Variants in POLRMT observed in about 807,000 individuals in gnomAD.
The protein encoded by POLRMT is DNA-directed RNA polymerase, mitochondrial.
POLRMT carries 114 observed loss-of-function variants against 132.2 expected under a neutral mutation model. The observed-to-expected ratio is 0.86, with a 90% CI of 0.74 to 1.01. The LOEUF is 1.01. POLRMT is among the 50% of genes least tolerant of loss of function. The pLI is 0.00. For missense variants in POLRMT, 2,003 were observed against 1,729.1 expected (o/e 1.16, Z -2.81); for synonymous variants, 1,020 against 773.4 (o/e 1.32, Z -5.29).
At chr19:620,784 G>C (rs1377009598) in intron 10 of POLRMT, among the ~76,000 whole-genome samples, 1 of 131,768 alleles carries the variant, frequency 7.6e-6, no homozygotes, top group Non-Finnish European at 1.6e-5. Flanking sequence ...CGGATGCAGG[G>C]GAGGGGGGAA....
chr19:622,233 C>T lies in POLRMT; in HGVS notation c.1767G>A (p.Met589Ile), dbSNP rs1410266575. Residue 589 changes from methionine to isoleucine, a missense_variant, in exon 9 of 21, where the codon ATG becomes ATA. By Grantham distance (10) the Met-to-Ile change is conservative. Transcript: ENST00000588649. ...GATGCGGCTTGTCCAGGCTGCATGG[C>T]ATCTGCGTAGCCTGCACCAGCATCT... is the stretch of plus-strand genomic sequence containing the variant. ...LAEMLVQATQ[M>I]PCSLDKPHRS... 1.3e-6 allele frequency: 2 copies of T among 1,561,232 alleles called. No homozygotes were observed. The highest frequency in any genetic ancestry group is 1.4e-5 in the African/African-American group (1 of 73,364).
intron 2 of POLRMT, among the ~76,000 whole-genome samples, chr19:631,690 A>G (rs1394719935): frequency 1.3e-5 from 2 of 152,134 alleles, no homozygotes; most frequent in Admixed American, 1.3e-4. Flanking sequence ...CCGCCTTCAG[A>G]GTGCTCCAAA....
Position 622,961 on chromosome 19 carries a change from C to T in POLRMT, c.1315G>A (p.Asp439Asn), listed in dbSNP as rs535297732. The T allele has an allele frequency of 6.2e-7, 1 of 1,612,878 alleles. No homozygotes were observed. Among genetic ancestry groups the T allele is most frequent in the South Asian group, 1.1e-5 (1 of 91,052 alleles). ...CGGCACAGTGCTTTCTCCCATTGGT[C>T]CCGCAGGGTCTTCAGGGTCTTCCGC... The part of the protein sequence containing the change: ...HARKTLKTLR[D>N]QWEKALCRAL... The change falls in exon 7 of 21, where the codon GAC (aspartate) becomes AAC (asparagine). Residue 439 changes from aspartate (D) to asparagine (N), a missense_variant. Coordinates refer to ENST00000588649, the MANE Select transcript of POLRMT (RefSeq NM_005035.4).
rs769548896 is a variant in POLRMT, at chr19:633,442, C to T, written c.71G>A (p.Gly24Glu). 41 of 1,555,864 alleles carry T rather than the reference C, an allele frequency of 2.6e-5. No individual in the cohort carries two copies. The highest frequency in any genetic ancestry group is 4.3e-5 in the African/African-American group (3 of 70,422). The change falls in exon 1 of 21, where the codon GGA becomes GAA. Residue 24 changes from glycine to glutamate, a missense_variant. By Grantham distance (98) the Gly-to-Glu change is moderately conservative. Coordinates refer to ENST00000588649, the MANE Select transcript of POLRMT (RefSeq NM_005035.4). ...TGTGTTACCTTCTTTGCCGGGGAGT[C>T]CCGGGCGGCCGCAAGGCCGTAGGGC... ...KRALRPCGRP[G>E]LPGKEGTAGG...
In POLRMT at chr19:619,699, T is replaced by C; in HGVS notation, c.2953A>G (p.Ile985Val). ...GTCTGCTTCACCACCTTGCGGGTGA[T>C]GAAACCTTCCAGCACCTGTGCCACC... ...MRVAQVLEGF[I>V]TRKVVKQTVM... Residue 985 changes from isoleucine (I) to valine (V), a missense_variant, in exon 13 of 21, where the codon ATC becomes GTC. Transcript: ENST00000588649. 1 of 1,608,704 alleles carries C rather than the reference T, an allele frequency of 6.2e-7. No individual in the cohort carries two copies. The highest frequency in any genetic ancestry group is 8.5e-7 in the Non-Finnish European group (1 of 1,178,304).
chr19:623,376 C>A, intron 6 of POLRMT, 78 bp downstream of exon 6: 3 of 1,562,512 alleles, frequency 1.9e-6, no homozygotes, highest in Non-Finnish European at 2.6e-6. Context: ...ACACGGGACC[C>A]CGGCTCAGCC....
rs1984713612 is a variant in POLRMT, at chr19:622,691, G to C, written c.1517C>G (p.Ala506Gly). 1 of 1,604,542 alleles carries C rather than the reference G, an allele frequency of 6.2e-7. No individual in the cohort carries two copies. Among genetic ancestry groups the C allele is most frequent in the Non-Finnish European group, 8.5e-7 (1 of 1,176,876 alleles). Residue 506 changes from alanine (A) to glycine (G), a missense_variant, in exon 8 of 21, where the codon GCG (alanine) becomes GGG (glycine). Ala to Gly is a moderately conservative substitution (Grantham distance 60). Coordinates refer to ENST00000588649, the MANE Select transcript of POLRMT (RefSeq NM_005035.4). ...SFTTLARELS[A>G]RTFSRHVVQR... is the part of the protein sequence containing the mutation. Reference sequence around the variant, plus strand: ...CACCACGTGCCGGCTGAAAGTGCGCGCACTCAGCTCCCGGGCCAGGGTGGT... The same window carrying C: ...CACCACGTGCCGGCTGAAAGTGCGCCCACTCAGCTCCCGGGCCAGGGTGGT...
At position 617,703 on chromosome 19, in the gene POLRMT, G is replaced by A. The variant is rs545557652; in HGVS notation, c.3496-48C>T. 8 of 1,610,786 alleles carry A rather than the reference G, an allele frequency of 5.0e-6. No individual in the cohort carries two copies. In the East Asian group the frequency reaches 8.9e-5, roughly 18 times the overall value. ...CCAGGGGTGATCAGGCAGGCTCTGG[G>A]CACCACCCCTACCCAACGCCCCAGT... On this transcript the variant is annotated intron_variant, in intron 18 of 20. Transcript: ENST00000588649.
chr19:619,042 C>CT lies in POLRMT; in HGVS notation c.3221_3222insA (p.Val1076ArgfsTer39), dbSNP rs1984270637. 1 of 1,604,810 alleles carries CT rather than the reference C, an allele frequency of 6.2e-7. No individual in the cohort carries two copies. The highest frequency in any genetic ancestry group is 8.5e-7 in the Non-Finnish European group (1 of 1,176,022). ...GATAGGGCTGGATGACGGGGACGCCCAGGGGTGTGACCCACTCCACCACAG... is the reference window on the plus strand; with the variant it reads ...GATAGGGCTGGATGACGGGGACGCCCTAGGGGTGTGACCCACTCCACCACAG... On this transcript the variant is annotated frameshift_variant, in exon 15 of 21. Coordinates refer to ENST00000588649, the MANE Select transcript of POLRMT (RefSeq NM_005035.4). LOFTEE classifies it high-confidence loss of function.
chr19:619,943 C>T lies in POLRMT; in HGVS notation c.2886+15G>A. On this transcript the variant is annotated intron_variant, in intron 12 of 20. Transcript: ENST00000588649. ...CCCACGCCGAGATGCCCCCGGGCAG[C>T]AGGGCACACCCTACCTGCGCGGCCA... 1 of 1,600,970 alleles carries T rather than the reference C, an allele frequency of 6.2e-7. No homozygotes were observed. Among genetic ancestry groups the T allele is most frequent in the South Asian group, 1.1e-5 (1 of 90,588 alleles).
rs758796659 is a variant in POLRMT at position 633,482 on chromosome 19, C to T, written c.31G>A (p.Ala11Thr). The T allele has an allele frequency of 6.4e-7, 1 of 1,560,080 alleles. No individual in the cohort carries two copies. Among genetic ancestry groups the T allele is most frequent in the Admixed American group, 1.7e-5 (1 of 57,252 alleles). ...GGCCGTAGGGCTCGTTTGAGCCCCG[C>T]CGCTCCGCGGCCCCAGCAAAGTGCC... MSALCWGRGAAGLKRALRPCG... is the reference protein window; with the variant it reads MSALCWGRGATGLKRALRPCG... The change falls in exon 1 of 21, where the codon GCG becomes ACG. Residue 11 changes from alanine (A) to threonine (T), a missense_variant. Coordinates refer to ENST00000588649, the MANE Select transcript of POLRMT (RefSeq NM_005035.4).
At chr19:633,101 G>C (rs1985548331) in intron 1 of POLRMT, 163 bp from the exon 2 acceptor site, 7 of 633,656 alleles carry the variant, frequency 1.1e-5, no homozygotes, top group Non-Finnish European at 1.8e-5. Flanking sequence ...GAAGGTGGAA[G>C]GGCCCCGCCG....
In POLRMT at chr19:622,185, C is replaced by A. The variant is rs375181877; in HGVS notation, c.1815G>T (p.Val605=). ...TGCGGAAGGAATACACGTGGTAGAG[C>A]ACGGGGACAAGCCGAGAGGAACGAT... ...KPHRSSRLVP[V]LYHVYSFRNV... The change falls in exon 9 of 21, where the codon GTG becomes GTT. Residue 605 remains valine (V), a synonymous_variant. Transcript: ENST00000588649. 3.5e-5 allele frequency: 55 copies of A among 1,572,578 alleles called. No homozygotes were observed. The highest frequency in any genetic ancestry group is 1.5e-4 in the Admixed American group (8 of 54,994).
rs189313511 is a variant in POLRMT, at chr19:620,036, G to A, written c.2808C>T (p.Arg936=). 23 of 1,558,836 alleles carry A rather than the reference G, an allele frequency of 1.5e-5. No homozygotes were observed. In the East Asian group the frequency reaches 4.0e-4, roughly 27 times the overall value. ...TGACGGAGGCGGCGCCCACGCTGTCGCGGCCCAGAGCAGCATAATGCTGCA... is the reference window on the plus strand; with the variant it reads ...TGACGGAGGCGGCGCCCACGCTGTCACGGCCCAGAGCAGCATAATGCTGCA... The part of the protein sequence containing the change: ...NGLQHYAALG[R]DSVGAASVNL... The change falls in exon 12 of 21, where the codon CGC becomes CGT. Residue 936 remains arginine, a synonymous_variant. Transcript: ENST00000588649.
chr19:618,687 C>T lies in POLRMT; in HGVS notation c.3323+18G>A, dbSNP rs776215999. 88 of 1,598,950 alleles carry T rather than the reference C, an allele frequency of 5.5e-5. No homozygotes were observed. The highest frequency in any genetic ancestry group is 7.2e-5 in the Non-Finnish European group (84 of 1,170,194). On this transcript the variant is annotated intron_variant, in intron 16 of 20. Coordinates refer to ENST00000588649, the MANE Select transcript of POLRMT (RefSeq NM_005035.4). ...CTCCAGACCCCCGGCCAGGCCCCAG[C>T]CCGGGCCCCCCACTCACCGGCTGAT...
chr19:621,922 G>A (rs1405659918), intron 9 of POLRMT, 76 bp from the exon 10 acceptor site: 1 of 1,512,854 alleles, frequency 6.6e-7, no homozygotes, highest in East Asian at 2.3e-5. Flanking sequence ...ACTTGGGTGA[G>A]AGGGGCCGGC....
Position 619,871 on chromosome 19 carries a change from G to A in POLRMT, c.2886+87C>T, listed in dbSNP as rs1470259137. 1.5e-5 allele frequency: 23 copies of A among 1,583,248 alleles called. No individual in the cohort carries two copies. The Middle Eastern group carries it at 9.1e-4, about 63-fold the overall frequency. On this transcript the variant is annotated intron_variant, in intron 12 of 20. Transcript: ENST00000588649. Reference sequence around the variant, plus strand: ...CCAGCCCCACCACATCCTCAGGACAGGCCAAGGTGAGGGCACCTGGGGCCG... The same window carrying A: ...CCAGCCCCACCACATCCTCAGGACAAGCCAAGGTGAGGGCACCTGGGGCCG...
chr19:626,898 C>CACACATATATAT lies in POLRMT; in HGVS notation c.823-1645_823-1644insATATATATGTGT, dbSNP rs371959370. On this transcript the variant is annotated intron_variant, in intron 3 of 20. Transcript: ENST00000588649. ...CTGTCTTAAAATATACACACACACA[C>CACACATATATAT]ATATATATATATATATAAAATAACA... Among the ~76,000 whole-genome samples, 715 of 146,688 alleles carry CACACATATATAT rather than the reference C, an allele frequency of 4.9e-3. 9 individuals carry two copies. The highest frequency in any genetic ancestry group is 0.018 in the African/African-American group (699 of 39,494).
In POLRMT at chr19:617,229, G is replaced by C. The variant is rs1404735666; in HGVS notation, c.*45C>G. ...TTCCTGAAGACAGTGGCTCCTGGGG[G>C]TGGCAAAAGAGCTTTATTTACACAC... On this transcript the variant is annotated 3_prime_UTR_variant, in exon 21 of 21. Coordinates refer to ENST00000588649, the MANE Select transcript of POLRMT (RefSeq NM_005035.4). 2 of 1,604,702 alleles carry C rather than the reference G, an allele frequency of 1.2e-6. No individual in the cohort carries two copies. The highest frequency in any genetic ancestry group is 1.3e-5 in the African/African-American group (1 of 74,790).
Sources: gnomAD v4.1 joint callset for allele counts (sites outside exome capture counted in the v4.1 genomes callset) on GRCh38, gnomAD v4.1.1 for gene constraint, MANE v1.5 for transcripts, NCBI Gene and HGNC (gene_info 2026-07-23, HGNC 2026-07-21) for gene names.